FLT1: variants seen among roughly 807,000 people sequenced by gnomAD.
FLT1 encodes the protein vascular endothelial growth factor receptor 1.
In FLT1, 49 loss-of-function variants were observed where a neutral mutation model predicts 156.3. The ratio of observed to expected loss-of-function variants is 0.31; its 90% CI spans 0.25 to 0.40. The LOEUF is 0.40. Ranked by LOEUF, FLT1 falls within the 10% of genes least tolerant of loss-of-function variation. The pLI is 1.00. For missense variants in FLT1, 1,322 were observed against 1,637.2 expected, an observed-to-expected ratio of 0.81 and a Z score of 3.32; for synonymous variants, 594 against 583.8, an observed-to-expected ratio of 1.02 and a Z score of -0.25.
intron 1 of FLT1, among the ~76,000 whole-genome samples, chr13:28,479,675 T>C (rs1011791153): frequency 6.6e-6 from 1 of 152,236 alleles, no homozygotes; most frequent in Non-Finnish European, 1.5e-5. Context: ...CATTTCGGCA[T>C]GTGATATTAA....
chr13:28,464,216 C>T (rs1327483595), intron 3 of FLT1, among the ~76,000 whole-genome samples: 1 of 152,174 alleles, frequency 6.6e-6, no homozygotes, highest in Non-Finnish European at 1.5e-5. Context: ...AAATACAACG[C>T]ATTTCACAAT....
At position 28,346,568 on chromosome 13, in the gene FLT1, A is replaced by AAG. The variant is rs67973168; in HGVS notation, c.2249-1018_2249-1017insCT. Among the ~76,000 whole-genome samples the AAG allele has an allele frequency of 1.1e-4, 16 of 150,546 alleles. 1 individual carries two copies. The highest frequency in any genetic ancestry group is 1.2e-4 in the Non-Finnish European group (8 of 67,692). On this transcript the variant is annotated intron_variant, in intron 15 of 29. Coordinates refer to ENST00000282397, the MANE Select transcript of FLT1 (RefSeq NM_002019.4). ...GATGCCTTCTCTTAAAAAAAAAAAA[A>AAG]ATGTGGTAGCACACACTTGTAATCC...
At chr13:28,436,891 T>C (rs1404584765) in intron 4 of FLT1, among the ~76,000 whole-genome samples, 3 of 151,272 alleles carry the variant, frequency 2.0e-5, no homozygotes, top group Non-Finnish European at 4.4e-5. Context: ...ATGGGGAGAG[T>C]GAGGTGGAGA....
intron 1 of FLT1, among the ~76,000 whole-genome samples, chr13:28,478,308 T>C (rs911203836): frequency 1.3e-5 from 2 of 152,236 alleles, no homozygotes; most frequent in African/African-American, 4.8e-5. Context: ...CTGTTTTACA[T>C]AGCATCAGGA....
At chr13:28,469,263 C>A (rs918482844) in intron 1 of FLT1, among the ~76,000 whole-genome samples, 1 of 152,162 alleles carries the variant, frequency 6.6e-6, no homozygotes, top group Non-Finnish European at 1.5e-5. Flanking sequence ...ACAGTGGAAG[C>A]AAAGGTAGAA....
chr13:28,411,350 C>T (rs1220865995), intron 10 of FLT1, among the ~76,000 whole-genome samples: 5 of 151,438 alleles, frequency 3.3e-5, no homozygotes, highest in Admixed American at 6.6e-5. Flanking sequence ...GTTGGGAGTT[C>T]GAGACCAGCC....
chr13:28,433,950 T>C lies in FLT1; in HGVS notation c.682A>G (p.Thr228Ala), dbSNP rs770271048. Residue 228 changes from threonine to alanine, a missense_variant, in exon 6 of 30, where the codon ACA becomes GCA. Thr to Ala is a moderately conservative substitution (Grantham distance 58). Around this residue, in one of 3 missense-constraint regions of FLT1, gnomAD observed 991 missense variants for 1,254.8 expected, o/e 0.79. Transcript: ENST00000282397. ...TNYLTHRQTNTIIDVQISTPR... is the reference protein window; with the variant it reads ...TNYLTHRQTNAIIDVQISTPR... ...GTGCTTATTTGGACATCTATGATTGTATTGGCTGCAAGCATAAGAGAGAAA... is the reference window on the plus strand; with the variant it reads ...GTGCTTATTTGGACATCTATGATTGCATTGGCTGCAAGCATAAGAGAGAAA... 30 of 1,614,156 alleles carry C rather than the reference T, an allele frequency of 1.9e-5. No homozygotes were observed. The highest frequency in any genetic ancestry group is 3.3e-5 in the South Asian group (3 of 91,090).
intron 10 of FLT1, among the ~76,000 whole-genome samples, chr13:28,414,728 T>A (rs1442918699): frequency 6.6e-6 from 1 of 152,222 alleles, no homozygotes; most frequent in Non-Finnish European, 1.5e-5. Flanking sequence ...ACTTGTCTTT[T>A]GCTCAGTTAA....
At chr13:28,437,261 G>GT (rs1878078648) in intron 4 of FLT1, among the ~76,000 whole-genome samples, 1 of 152,194 alleles carries the variant, frequency 6.6e-6, no homozygotes, top group Non-Finnish European at 1.5e-5. Context: ...GAAGGCCTAC[G>GT]TGAGTAACAA....
At chr13:28,386,518 T>G in intron 13 of FLT1, 1 of 1,050,532 alleles carries the variant, frequency 9.5e-7, no homozygotes. Context: ...TTCAAACTAG[T>G]GTAGAATGAA....
intron 24 of FLT1, 44 bp downstream of exon 24, chr13:28,319,379 A>G (rs1440823771): frequency 7.9e-7 from 1 of 1,262,250 alleles, no homozygotes; most frequent in Non-Finnish European, 1.2e-6. Context: ...AGATGCAGAC[A>G]TTTATTTCTG....
At chr13:28,379,430 G>A (rs922331752) in intron 14 of FLT1, among the ~76,000 whole-genome samples, 32 of 152,194 alleles carry the variant, frequency 2.1e-4, no homozygotes, top group African/African-American at 5.5e-4. Context: ...GGCAGCCCAT[G>A]GCCCAGAGGA....
At chr13:28,425,897 G>A (rs549132323) in intron 10 of FLT1, among the ~76,000 whole-genome samples, 79 of 152,210 alleles carry the variant, frequency 5.2e-4, no homozygotes, top group Admixed American at 2.4e-3. Flanking sequence ...AGATATTTAA[G>A]ATTTGTAAGT....
At chr13:28,385,795 T>C (rs988409706) in intron 13 of FLT1, 9 of 1,039,604 alleles carry the variant, frequency 8.7e-6, no homozygotes, top group East Asian at 5.7e-5. Context: ...TAAGATGCAA[T>C]ACATTACAAC....
In FLT1 at chr13:28,444,405, C is replaced by T. The variant is rs574306276; in HGVS notation, c.389-6060G>A. Among the ~76,000 whole-genome samples, 6 of 152,170 alleles carry T rather than the reference C, an allele frequency of 3.9e-5. No homozygotes were observed. In the South Asian group the frequency reaches 1.2e-3, roughly 32 times the overall value. On this transcript the variant is annotated intron_variant, in intron 3 of 29. Coordinates refer to ENST00000282397, the MANE Select transcript of FLT1 (RefSeq NM_002019.4). ...GCAGTGAGCTGAGATCACACCACTG[C>T]ACTCCAGCCTGGGCGACACAGCAAG...
rs1327562860 is a variant in FLT1, at chr13:28,427,935, C to T, written c.1107-14G>A. 14 of 1,611,478 alleles carry T rather than the reference C, an allele frequency of 8.7e-6. No individual in the cohort carries two copies. The highest frequency in any genetic ancestry group is 1.2e-5 in the Non-Finnish European group (14 of 1,177,688). ...CCATCTTTTAACCTGTGGTTAAAAA[C>T]ATGATCAGTAAGTCATTTCACACGG... On this transcript the variant is annotated splice_polypyrimidine_tract_variant and intron_variant, in intron 8 of 29. Transcript: ENST00000282397.
intron 29 of FLT1, among the ~76,000 whole-genome samples, chr13:28,306,234 T>G (rs1052600688): frequency 6.6e-6 from 1 of 152,084 alleles, no homozygotes; most frequent in Non-Finnish European, 1.5e-5. Flanking sequence ...AATGGGAAAG[T>G]CATTCATCTG....
chr13:28,445,110 A>T (rs1051168656), intron 3 of FLT1, among the ~76,000 whole-genome samples: 6 of 152,202 alleles, frequency 3.9e-5, no homozygotes, highest in Non-Finnish European at 7.3e-5. Flanking sequence ...CTTTGAAAAG[A>T]CAAACACAAC....
intron 10 of FLT1, among the ~76,000 whole-genome samples, chr13:28,420,626 A>G (rs1266924585): frequency 4.6e-5 from 7 of 152,214 alleles, no homozygotes; most frequent in African/African-American, 7.2e-5. Flanking sequence ...CAATTTTTAT[A>G]GTGTTAAAAC....
Sources: gnomAD v4.1 joint callset for allele counts (sites outside exome capture counted in the v4.1 genomes callset) on GRCh38, gnomAD v4.1.1 for gene constraint, gnomAD v4.1.1 regional missense constraint, MANE v1.5 for transcripts, NCBI Gene and HGNC (gene_info 2026-07-23, HGNC 2026-07-21) for gene names.